The following RRP1 variants were observed in gnomAD, a reference collection of about 807,000 sequenced individuals.
RRP1 encodes the protein ribosomal RNA processing protein 1 homolog A.
Under a neutral mutation model 54.6 loss-of-function variants are expected in RRP1, and 37 were observed. The ratio of observed to expected loss-of-function variants is 0.68; its 90% CI spans 0.52 to 0.89. RRP1 has a LOEUF of 0.89. Among genes scored for constraint, RRP1 ranks in the 40% least tolerant of loss-of-function variants. The pLI, the probability that RRP1 is intolerant of heterozygous loss-of-function variation, is 0.00. For synonymous variants in RRP1, 262 were observed against 244.3 expected, an observed-to-expected ratio of 1.07 and a Z score of -0.67; for missense variants, 639 against 612.5, an observed-to-expected ratio of 1.04 and a Z score of -0.46.
chr21:43,800,467 A>C (rs1364156173), intron 9 of RRP1, 50 bp from the exon 10 acceptor site: 2 of 1,569,184 alleles, frequency 1.3e-6, no homozygotes, highest in East Asian at 4.5e-5. Context: ...TTCTCGGAGC[A>C]CGCAGAGCGT....
intron 2 of RRP1, among the ~76,000 whole-genome samples, chr21:43,792,047 C>T (rs1020808936): frequency 6.6e-6 from 1 of 152,216 alleles, no homozygotes; most frequent in Non-Finnish European, 1.5e-5. Flanking sequence ...GAATTCAAGT[C>T]TCCTGAGACA....
intron 12 of RRP1, 152 bp downstream of exon 12, chr21:43,802,539 C>G: frequency 1.6e-6 from 1 of 643,470 alleles, no homozygotes; most frequent in Non-Finnish European, 2.8e-6. Context: ...CGGAAATGCC[C>G]TGTCCTCGGC....
chr21:43,794,349 G>A (rs2084993409), intron 4 of RRP1, among the ~76,000 whole-genome samples: 2 of 152,182 alleles, frequency 1.3e-5, no homozygotes. Context: ...TGGCTGCTGG[G>A]TCCCTGGATG....
At chr21:43,790,461 C>G (rs2084945298) in intron 1 of RRP1, 3 of 153,862 alleles carry the variant, frequency 1.9e-5, no homozygotes, top group Admixed American at 1.9e-4. Flanking sequence ...CTGGCATCTG[C>G]TTTATGAAGC....
At chr21:43,794,123 G>A (rs2084990311) in intron 4 of RRP1, among the ~76,000 whole-genome samples, 1 of 152,190 alleles carries the variant, frequency 6.6e-6, no homozygotes, top group African/African-American at 2.4e-5. Flanking sequence ...TGCCACTCTG[G>A]CTTCAGTGTC....
chr21:43,798,037 T>C lies in RRP1; in HGVS notation c.748T>C (p.Ser250Pro). 1 of 1,614,084 alleles carries C rather than the reference T, an allele frequency of 6.2e-7. No individual in the cohort carries two copies. The highest frequency in any genetic ancestry group is 8.5e-7 in the Non-Finnish European group (1 of 1,179,986). Residue 250 changes from serine to proline, a missense_variant, in exon 8 of 13, where the codon TCC (serine) becomes CCC (proline). Ser to Pro is a moderately conservative substitution (Grantham distance 74). Transcript: ENST00000497547. The stretch of plus-strand genomic sequence containing the variant: ...GGAGGTGGCGTCGGACAGTGATGAG[T>C]CCTCTGAGGGTGGTGAGCGTGGAGA... ...DEEVASDSDE[S>P]SEGGERGDAL...
intron 2 of RRP1, 41 bp from the exon 3 acceptor site, chr21:43,792,631 T>G: frequency 6.2e-7 from 1 of 1,604,730 alleles, no homozygotes; most frequent in Non-Finnish European, 8.5e-7. Context: ...GAGAGCCTGG[T>G]GCTTCAGGGG....
rs777897637 is a variant in RRP1 at position 43,795,190 on chromosome 21, T to C, written c.362T>C (p.Leu121Pro). 6.2e-7 allele frequency: 1 copy of C among 1,613,902 alleles called. No homozygotes were observed. Residue 121 changes from leucine to proline, a missense_variant and splice_region_variant, in exon 5 of 13, where the codon CTC (leucine) becomes CCC (proline). Physicochemically the swap from Leu to Pro is moderately conservative, Grantham distance 98 (BLOSUM62 -3). Transcript: ENST00000497547. ...TGCCAACCTCCTTCTGTGTCAAAGCTCATGCGGATGGTCCTGAACGAGTCC... is the reference window on the plus strand; with the variant it reads ...TGCCAACCTCCTTCTGTGTCAAAGCCCATGCGGATGGTCCTGAACGAGTCC... Reference protein sequence around the residue: ...DRLRLDKFYMLMRMVLNESLK... With the variant: ...DRLRLDKFYMPMRMVLNESLK...
chr21:43,802,343 A>C lies in RRP1; in HGVS notation c.1079A>C (p.Lys360Thr), dbSNP rs147437710. The C allele has an allele frequency of 1.4e-5, 22 of 1,614,002 alleles. No homozygotes were observed. The highest frequency in any genetic ancestry group is 6.7e-5 in the African/African-American group (5 of 75,030). Residue 360 changes from lysine to threonine, a missense_variant, in exon 12 of 13, where the codon AAG becomes ACG. Lys to Thr is a moderately conservative substitution (Grantham distance 78). Transcript: ENST00000497547. ...RRLLEGRRQK[K>T]TKKQKRLLRL... Reference sequence around the variant, plus strand: ...CTGCTTGAAGGGAGGCGGCAGAAGAAGACGAAGAAGCAGAAGCGTCTGCTC... The same window carrying C: ...CTGCTTGAAGGGAGGCGGCAGAAGACGACGAAGAAGCAGAAGCGTCTGCTC...
chr21:43,793,262 TC>T, intron 3 of RRP1, 56 bp from the exon 4 acceptor site: 1 of 1,508,154 alleles, frequency 6.6e-7, no homozygotes, highest in Non-Finnish European at 9.2e-7. Flanking sequence ...CTCACCTCCC[TC>T]CCCAGAGTGG....
intron 8 of RRP1, among the ~76,000 whole-genome samples, chr21:43,798,534 C>T (rs2123416845): frequency 6.6e-6 from 1 of 152,306 alleles, no homozygotes; most frequent in East Asian, 1.9e-4. Context: ...GAATCACTTG[C>T]TCCTCGTGTT....
intron 8 of RRP1, 41 bp downstream of exon 8, chr21:43,798,141 C>A: frequency 6.5e-7 from 1 of 1,537,034 alleles, no homozygotes; most frequent in Non-Finnish European, 8.8e-7. Context: ...CGGGGCCTGT[C>A]CTGGGCTGAG....
intron 1 of RRP1, 37 bp from the exon 2 acceptor site, chr21:43,791,313 G>C: frequency 6.2e-7 from 1 of 1,604,866 alleles, no homozygotes; most frequent in South Asian, 1.1e-5. Context: ...CGAAGGTGTG[G>C]GATTCATTTG....
rs60910278 is a variant in RRP1, at chr21:43,792,559, C to T, written c.217-113C>T. ...CACTGAGCTGAGACCCCCTGGAAGC[C>T]GACTCTCTGTGATGAGTGAGTGAGT... On this transcript the variant is annotated intron_variant, in intron 2 of 12. Transcript: ENST00000497547. The T allele has an allele frequency of 1.0e-3, 1,104 of 1,053,522 alleles. 16 individuals carry two copies. The African/African-American group carries it at 0.016, about 15-fold the overall frequency. 65.3% of individuals were successfully genotyped at this position (1,053,522 alleles called of 1,614,324 possible).
At chr21:43,803,405 G>A (rs561770499) in intron 12 of RRP1, 107 bp from the exon 13 acceptor site, 24 of 1,414,588 alleles carry the variant, frequency 1.7e-5, no homozygotes, top group Admixed American at 2.7e-5. Context: ...TTGTGGCCGT[G>A]TTGTCCTCCC....
intron 11 of RRP1, 55 bp downstream of exon 11, chr21:43,800,936 C>T (rs1445966806): frequency 6.3e-7 from 1 of 1,592,992 alleles, no homozygotes; most frequent in Non-Finnish European, 8.6e-7. Flanking sequence ...GAGCTCCATC[C>T]TCGTGGGAGT....
In RRP1 at chr21:43,797,658, A is replaced by T. The variant is rs34224504; in HGVS notation, c.580A>T (p.Ile194Phe). The T allele has an allele frequency of 3.3e-5, 53 of 1,614,018 alleles. No homozygotes were observed. The highest frequency in any genetic ancestry group is 4.2e-6 in the Non-Finnish European group (5 of 1,180,020). ...TACGGCAGACCAGAACCTGAAGTTC[A>T]TCGACCCCTTCTGCAGAATTGCTGC... ...ELTADQNLKF[I>F]DPFCRIAART... The change falls in exon 7 of 13, where the codon ATC (isoleucine) becomes TTC (phenylalanine). Residue 194 changes from isoleucine (I) to phenylalanine (F), a missense_variant. By Grantham distance (21) the Ile-to-Phe change is conservative (BLOSUM62 0). Transcript: ENST00000497547.
chr21:43,800,643 C>T, intron 10 of RRP1, 29 bp downstream of exon 10: 1 of 1,604,670 alleles, frequency 6.2e-7, no homozygotes, highest in South Asian at 1.1e-5. Flanking sequence ...TGCGTCCTCC[C>T]TGCTCCCCTT....
rs114296196 is a variant in RRP1 at position 43,793,323 on chromosome 21, C to G, written c.279C>G (p.His93Gln). 17 of 1,614,194 alleles carry G rather than the reference C, an allele frequency of 1.1e-5. 1 individual carries two copies. The East Asian group carries it at 1.8e-4, about 17-fold the overall frequency. The change falls in exon 4 of 13, where the codon CAC (histidine) becomes CAG (glutamine). Residue 93 changes from histidine (H) to glutamine (Q), a missense_variant. Coordinates refer to ENST00000497547, the MANE Select transcript of RRP1 (RefSeq NM_003683.6). ...TCTGGCTTATTCCTTCTCCAGAGCA[C>G]CTGTTCCTTCAGGCCTTCTGGCAGA... is the stretch of plus-strand genomic sequence containing the variant. ...VHAFQTTEAQ[H>Q]LFLQAFWQTM...
Sources: gnomAD v4.1 joint callset for allele counts (sites outside exome capture counted in the v4.1 genomes callset) on GRCh38, gnomAD v4.1.1 for gene constraint, MANE v1.5 for transcripts, NCBI Gene and HGNC (gene_info 2026-07-23, HGNC 2026-07-21) for gene names.